DCAF1: variants seen among roughly 807,000 people sequenced by gnomAD.
DCAF1 encodes the protein DDB1 and CUL4 associated factor 1, also known as DDB1- and CUL4-associated factor 1.
A neutral mutation model predicts 128.0 loss-of-function variants in DCAF1; 15 were observed. The observed-to-expected ratio is 0.12, with a 90% confidence interval of 0.08 to 0.18. DCAF1 has a LOEUF of 0.18. Ranked by LOEUF, DCAF1 falls within the 10% of genes least tolerant of loss-of-function variation. The pLI, the probability that DCAF1 is intolerant of heterozygous loss-of-function variation, is 1.00. For missense variants in DCAF1, 988 were observed against 1,649.5 expected, an observed-to-expected ratio of 0.60 and a Z score of 6.95; for synonymous variants, 610 against 603.0, an observed-to-expected ratio of 1.01 and a Z score of -0.17.
intron 3 of DCAF1, among the ~76,000 whole-genome samples, chr3:51,480,279 G>A (rs1261509336): frequency 6.6e-6 from 1 of 151,992 alleles, no homozygotes; most frequent in East Asian, 1.9e-4. Context: ...AATACCAAGT[G>A]TAAAGGCACA....
rs138190044 is a variant in DCAF1 at position 51,405,113 on chromosome 3, G to GA, written c.4213-1719dup. ...GCCACAGTTAAAAATAAGTAAGGAAGAAAGTACCCAGGGCCCTGTGTCTTA... is the reference window on the plus strand; with the variant it reads ...GCCACAGTTAAAAATAAGTAAGGAAGAAAAGTACCCAGGGCCCTGTGTCTTA... On this transcript the variant is annotated intron_variant, in intron 23 of 24. Coordinates refer to ENST00000684031, the MANE Select transcript of DCAF1 (RefSeq NM_001387579.1). 2.7e-3 allele frequency among the ~76,000 whole-genome samples: 413 copies of GA among 152,326 alleles called. 1 individual carries two copies. Among genetic ancestry groups the GA allele is most frequent in the African/African-American group, 9.3e-3 (387 of 41,572 alleles).
chr3:51,464,002 ACAC>A (rs1553645657), intron 5 of DCAF1, among the ~76,000 whole-genome samples: 1 of 151,892 alleles, frequency 6.6e-6, no homozygotes, highest in African/African-American at 2.4e-5. Context: ...CCACAGGTGC[ACAC>A]CACCATGTCC....
chr3:51,407,983 T>TCAAA (rs1698036822), intron 23 of DCAF1, among the ~76,000 whole-genome samples: 1 of 2,968 alleles, frequency 3.4e-4, no homozygotes, highest in Non-Finnish European at 1.0e-3. Flanking sequence ...AGACTCCATC[T>TCAAA]CAAAAAAAAA....
chr3:51,430,305 G>T, intron 10 of DCAF1, 93 bp from the exon 11 acceptor site: 1 of 636,062 alleles, frequency 1.6e-6, no homozygotes, highest in Non-Finnish European at 2.9e-6. Context: ...GATATCTGCA[G>T]AATACAATGA....
At chr3:51,411,132 G>A (rs2107124893) in intron 23 of DCAF1, among the ~76,000 whole-genome samples, 1 of 145,604 alleles carries the variant, frequency 6.9e-6, no homozygotes. Flanking sequence ...TTACACTCCA[G>A]CCTGGGTGAC....
At chr3:51,492,951 G>A (rs922191987) in intron 2 of DCAF1, among the ~76,000 whole-genome samples, 5 of 151,866 alleles carry the variant, frequency 3.3e-5, no homozygotes, top group Admixed American at 6.6e-5. Flanking sequence ...CCGAGATCGC[G>A]CCACTGCACT....
intron 6 of DCAF1, among the ~76,000 whole-genome samples, chr3:51,460,889 A>G (rs1360995857): frequency 2.0e-5 from 3 of 150,564 alleles, no homozygotes; most frequent in African/African-American, 7.2e-5. Context: ...TCCCTTCCTT[A>G]CACCTTATAC....
In DCAF1 at chr3:51,398,725, A is replaced by G; in HGVS notation, c.*44T>C. ...AATATGTTCTGAATTCATTTGACTC[A>G]GTTTCTCGCCTGCCAAGAATCTCTT... On this transcript the variant is annotated 3_prime_UTR_variant, in exon 25 of 25. Coordinates refer to ENST00000684031, the MANE Select transcript of DCAF1 (RefSeq NM_001387579.1). 2 of 1,561,956 alleles carry G rather than the reference A, an allele frequency of 1.3e-6. No homozygotes were observed. The highest frequency in any genetic ancestry group is 8.7e-7 in the Non-Finnish European group (1 of 1,153,094).
chr3:51,400,879 T>C (rs1212002817), intron 24 of DCAF1, among the ~76,000 whole-genome samples: 1 of 152,032 alleles, frequency 6.6e-6, no homozygotes, highest in Non-Finnish European at 1.5e-5. Context: ...GATGCCTGTA[T>C]CCCAGCACTT....
At chr3:51,403,489 C>CT in intron 23 of DCAF1, 94 bp from the exon 24 acceptor site, 1 of 1,502,228 alleles carries the variant, frequency 6.7e-7, no homozygotes, top group Non-Finnish European at 8.9e-7. Flanking sequence ...GGGTAGGAAA[C>CT]TGTCAGTAGA....
At chr3:51,501,056 A>G (rs1346424302), upstream of DCAF1, among the ~76,000 whole-genome samples, 2 of 152,000 alleles carry the variant, frequency 1.3e-5, no homozygotes, top group Non-Finnish European at 2.9e-5. Context: ...GGCTCAAACG[A>G]TTCTCCTGCC....
In DCAF1 at chr3:51,420,708, G is replaced by A; in HGVS notation, c.2262C>T (p.Ile754=). The A allele has an allele frequency of 1.2e-6, 2 of 1,614,066 alleles. No homozygotes were observed. Among genetic ancestry groups the A allele is most frequent in the Non-Finnish European group, 1.7e-6 (2 of 1,179,908 alleles). ...IKMPITDADQ[I]RALACKALVG... ...CTAGGGCTTTGCAGGCCAGGGCCCG[G>A]ATTTGGTCTGCATCTGTGATGGGCA... is the stretch of plus-strand genomic sequence containing the variant. The change falls in exon 15 of 25, where the codon ATC becomes ATT. Residue 754 remains isoleucine (I), a synonymous_variant. Coordinates refer to ENST00000684031, the MANE Select transcript of DCAF1 (RefSeq NM_001387579.1). The surrounding 1 kb of genome is among the most constrained non-coding windows in gnomAD (Gnocchi z 6.5).
chr3:51,400,276 G>A (rs933174614), intron 24 of DCAF1, among the ~76,000 whole-genome samples: 1 of 152,154 alleles, frequency 6.6e-6, no homozygotes, highest in Non-Finnish European at 1.5e-5. Context: ...GTCACAGGAG[G>A]GTGTGGGGCC....
chr3:51,441,754 A>C lies in DCAF1; in HGVS notation c.657T>G (p.Gly219=), dbSNP rs1553638828. 4.3e-6 allele frequency: 7 copies of C among 1,613,812 alleles called. No individual in the cohort carries two copies. Among genetic ancestry groups the C allele is most frequent in the Non-Finnish European group, 5.9e-6 (7 of 1,179,890 alleles). ...LDEEAVDMDY[G]DMAVDVVDGD... ...CATCCACTACATCTACAGCCATGTC[A>C]CCATAGTCCATATCCACAGCCTCCT... is the stretch of plus-strand genomic sequence containing the variant. Residue 219 remains glycine (G), a synonymous_variant, in exon 8 of 25, where the codon GGT becomes GGG. Coordinates refer to ENST00000684031, the MANE Select transcript of DCAF1 (RefSeq NM_001387579.1).
chr3:51,434,271 G>A (rs1026121123), intron 9 of DCAF1, among the ~76,000 whole-genome samples: 3 of 151,920 alleles, frequency 2.0e-5, no homozygotes, highest in Non-Finnish European at 2.9e-5. Flanking sequence ...ATGCAGTGGC[G>A]CATGCCTGTA....
chr3:51,418,250 T>C (rs2107300946), intron 16 of DCAF1, 52 bp from the exon 17 acceptor site: 1 of 1,552,472 alleles, frequency 6.4e-7, no homozygotes, highest in Non-Finnish European at 8.7e-7. Context: ...TACATGCAGA[T>C]GTCACTACCT....
upstream of DCAF1, among the ~76,000 whole-genome samples, chr3:51,502,294 C>T (rs2108656223): frequency 6.6e-6 from 1 of 152,286 alleles, no homozygotes; most frequent in Non-Finnish European, 1.5e-5. Context: ...AATCCCAGCA[C>T]TTTGAGGGGC....
intron 23 of DCAF1, among the ~76,000 whole-genome samples, chr3:51,408,004 A>AAAC (rs1698052646): frequency 6.6e-6 from 1 of 151,112 alleles, no homozygotes; most frequent in Non-Finnish European, 1.5e-5. Flanking sequence ...AAAAAAAAAA[A>AAAC]AAAAACAACC....
intron 3 of DCAF1, among the ~76,000 whole-genome samples, chr3:51,479,634 A>G (rs1705915432): frequency 6.6e-6 from 1 of 151,932 alleles, no homozygotes; most frequent in Admixed American, 6.6e-5. Context: ...TCTCTACTAA[A>G]AAATATAAAA....
Sources: gnomAD v4.1 joint callset for allele counts (sites outside exome capture counted in the v4.1 genomes callset) on GRCh38, gnomAD v4.1.1 for gene constraint, Gnocchi (gnomAD v3.1) non-coding constraint, MANE v1.5 for transcripts, NCBI Gene and HGNC (gene_info 2026-07-23, HGNC 2026-07-21) for gene names.